The following CACNA1G variants were observed in gnomAD, a reference collection of about 807,000 sequenced individuals.
The protein encoded by CACNA1G is voltage-dependent T-type calcium channel subunit alpha-1G.
In CACNA1G, 67 loss-of-function variants were observed where a neutral mutation model predicts 219.4. That is an observed-to-expected ratio of 0.31 (90% CI 0.25 to 0.37). CACNA1G has a LOEUF of 0.37. Ranked by LOEUF, CACNA1G falls within the 10% of genes least tolerant of loss-of-function variation. The pLI, the probability that CACNA1G is intolerant of heterozygous loss-of-function variation, is 1.00. For synonymous variants in CACNA1G, 1,296 were observed against 1,345.3 expected (o/e 0.96, Z 0.80); for missense variants, 2,380 against 3,231.4 (o/e 0.74, Z 6.39).
chr17:50,565,852 T>C (rs948914523), intron 1 of CACNA1G, among the ~76,000 whole-genome samples: 3 of 152,140 alleles, frequency 2.0e-5, no homozygotes, highest in Non-Finnish European at 4.4e-5. Context: ...GGGATGGAAG[T>C]GGGGTTCCTC....
chr17:50,596,557 C>A lies in CACNA1G; in HGVS notation c.2980-5C>A, dbSNP rs950977500. ...CCCTAATGGTCCGCTGCTCCCCTGC[C>A]CTAGGGAGATGCCAACAAGTCCGAA... On this transcript the variant is annotated splice_region_variant and splice_polypyrimidine_tract_variant and intron_variant, in intron 14 of 37. Coordinates refer to ENST00000359106, the MANE Select transcript of CACNA1G (RefSeq NM_018896.5). The surrounding 1 kb of genome is among the most constrained non-coding windows in gnomAD (Gnocchi z 4.8). 25 of 1,613,368 alleles carry A rather than the reference C, an allele frequency of 1.5e-5. No individual in the cohort carries two copies. Among genetic ancestry groups the A allele is most frequent in the Non-Finnish European group, 2.0e-5 (23 of 1,179,454 alleles).
chr17:50,602,702 T>TG lies in CACNA1G; in HGVS notation c.3916-113dup. The TG allele has an allele frequency of 3.8e-6, 3 of 788,230 alleles. No homozygotes were observed. In the Admixed American group the frequency reaches 6.1e-5, roughly 16 times the overall value. 48.8% of individuals were successfully genotyped at this position (788,230 alleles called of 1,614,324 possible). ...GCGTGATCTACATTGTTGTGGAGGG[T>TG]GGGGGTCGTTTTCTGAGTCAAATGT... On this transcript the variant is annotated intron_variant, in intron 19 of 37. Transcript: ENST00000359106.
Position 50,596,894 on chromosome 17 carries a change from C to T in CACNA1G, c.3229C>T (p.Pro1077Ser), listed in dbSNP as rs1458889280. Residue 1077 changes from proline to serine, a missense_variant, in exon 16 of 38, where the codon CCT becomes TCT. Physicochemically the swap from Pro to Ser is moderately conservative, Grantham distance 74. Around this residue, in one of 17 missense-constraint regions of CACNA1G, gnomAD observed 418 missense variants for 434.3 expected, o/e 0.96. Coordinates refer to ENST00000359106, the MANE Select transcript of CACNA1G (RefSeq NM_018896.5). This position sits in a 1 kb window ranked among gnomAD's most constrained non-coding sequence, Gnocchi z 4.8. The stretch of plus-strand genomic sequence containing the variant: ...CACCAGCAGCAGCGGGTCGGCAGAG[C>T]CTGGGGCGGCCCACGAGATGAAGTC... ...RRTSSSGSAE[P>S]GAAHEMKSPP... 7.6e-6 allele frequency: 12 copies of T among 1,573,578 alleles called. No individual in the cohort carries two copies. The highest frequency in any genetic ancestry group is 9.5e-6 in the Non-Finnish European group (11 of 1,159,818).
chr17:50,563,127 C>G (rs2036460804), intron 1 of CACNA1G: 1 of 152,462 alleles, frequency 6.6e-6, no homozygotes, highest in African/African-American at 2.4e-5. Flanking sequence ...CCCTCACTCT[C>G]TGCAGCTCTG....
chr17:50,570,214 C>T (rs1461477296), intron 4 of CACNA1G, among the ~76,000 whole-genome samples: 2 of 152,204 alleles, frequency 1.3e-5, no homozygotes, highest in African/African-American at 2.4e-5. Context: ...ACGCTGGCCA[C>T]GCTGAACGTG....
intron 9 of CACNA1G, among the ~76,000 whole-genome samples, chr17:50,579,731 G>A (rs997505227): frequency 1.3e-5 from 2 of 152,066 alleles, no homozygotes; most frequent in African/African-American, 4.8e-5. Flanking sequence ...CCCCACCTCC[G>A]CACCCTCCCA....
In CACNA1G at chr17:50,617,841, C is replaced by T. The variant is rs751586962; in HGVS notation, c.5156-18C>T. The T allele has an allele frequency of 1.5e-5, 24 of 1,612,562 alleles. No individual in the cohort carries two copies. Among genetic ancestry groups the T allele is most frequent in the Middle Eastern group, 1.8e-4 (1 of 5,594 alleles). On this transcript the variant is annotated intron_variant, in intron 29 of 37. Coordinates refer to ENST00000359106, the MANE Select transcript of CACNA1G (RefSeq NM_018896.5). The surrounding 1 kb of genome is among the most constrained non-coding windows in gnomAD (Gnocchi z 5.8). ...GGGACCCAAAGAGGCCAGCTCATGA[C>T]GTTGTCCTGTTCTGCAGTGCTGAAG... is the stretch of plus-strand genomic sequence containing the variant.
In CACNA1G at chr17:50,596,866, CCG is replaced by C; in HGVS notation, c.3203_3204del (p.Arg1068HisfsTer74). ...LGEALGPASR[R>X]TSSSGSAEPG... The stretch of plus-strand genomic sequence containing the variant: ...GCGAGGCGCTGGGCCCTGCGTCGCG[CCG>C]CACCAGCAGCAGCGGGTCGGCAGAG... On this transcript the variant is annotated frameshift_variant, in exon 16 of 38. Transcript: ENST00000359106. LOFTEE classifies it high-confidence loss of function. The surrounding 1 kb of genome is among the most constrained non-coding windows in gnomAD (Gnocchi z 4.8). 1 of 1,594,752 alleles carries C rather than the reference CCG, an allele frequency of 6.3e-7. No homozygotes were observed. The highest frequency in any genetic ancestry group is 8.5e-7 in the Non-Finnish European group (1 of 1,170,988).
Position 50,609,931 on chromosome 17 carries a change from G to A in CACNA1G, c.4755G>A (p.Ala1585=), listed in dbSNP as rs780560019. The change falls in exon 26 of 38, where the codon GCG becomes GCA. Residue 1585 remains alanine, a synonymous_variant. Coordinates refer to ENST00000359106, the MANE Select transcript of CACNA1G (RefSeq NM_018896.5). ...CTTCCGGCAGCTCAGCCAGCGCTGC[G>A]TCAGGTACTGCGTCTGGGGTGTGGG... The part of the protein sequence containing the change: ...VIASGSSASA[A]SEAQCKPYYS... The A allele has an allele frequency of 2.2e-5, 36 of 1,609,954 alleles. No homozygotes were observed. Among genetic ancestry groups the A allele is most frequent in the African/African-American group, 4.0e-5 (3 of 74,942 alleles).
intron 3 of CACNA1G, 74 bp downstream of exon 3, chr17:50,569,372 G>C: frequency 6.6e-7 from 1 of 1,516,188 alleles, no homozygotes; most frequent in Non-Finnish European, 9.1e-7. Context: ...TTCTGGGCCT[G>C]TGACCTCTCA....
chr17:50,604,105 AG>A, intron 21 of CACNA1G, 49 bp from the exon 22 acceptor site: 1 of 1,578,234 alleles, frequency 6.3e-7, no homozygotes, highest in Non-Finnish European at 8.6e-7. Context: ...GGGACAAGGG[AG>A]GGTCTGGGCT....
At chr17:50,623,323 G>C (rs1178130584) in intron 35 of CACNA1G, among the ~76,000 whole-genome samples, 3 of 138,216 alleles carry the variant, frequency 2.2e-5, no homozygotes, top group Non-Finnish European at 3.0e-5. Flanking sequence ...TGTTGCCCAG[G>C]CTGGTCTCAA....
chr17:50,589,672 G>T (rs909788068), intron 9 of CACNA1G, among the ~76,000 whole-genome samples: 4 of 152,144 alleles, frequency 2.6e-5, no homozygotes, highest in Non-Finnish European at 5.9e-5. Context: ...CGGGTAGGGA[G>T]CATGAAAGGA....
In CACNA1G at chr17:50,618,465, C is replaced by T; in HGVS notation, c.5427+122C>T. 1.5e-6 allele frequency: 2 copies of T among 1,338,934 alleles called. No homozygotes were observed. Among genetic ancestry groups the T allele is most frequent in the Non-Finnish European group, 2.1e-6 (2 of 957,574 alleles). 82.9% of individuals were successfully genotyped at this position (1,338,934 alleles called of 1,614,324 possible). ...TGACCTTCTCTCCCCCGTGCTAGAA[C>T]ACTCTGGAACTCCCTCTCCCAGGAA... is the stretch of plus-strand genomic sequence containing the variant. On this transcript the variant is annotated intron_variant, in intron 32 of 37. Coordinates refer to ENST00000359106, the MANE Select transcript of CACNA1G (RefSeq NM_018896.5). This position sits in a 1 kb window ranked among gnomAD's most constrained non-coding sequence, Gnocchi z 5.3.
Position 50,582,655 on chromosome 17 carries a change from G to A in CACNA1G, c.2301+4091G>A, listed in dbSNP as rs541113548. ...TCTCCAGGAAGAGGGGAGTGCAGGAGTGGGGCCTTGGAGACACAGGAGCTT... is the reference window on the plus strand; with the variant it reads ...TCTCCAGGAAGAGGGGAGTGCAGGAATGGGGCCTTGGAGACACAGGAGCTT... On this transcript the variant is annotated intron_variant, in intron 9 of 37. Transcript: ENST00000359106. Among the ~76,000 whole-genome samples, 6 of 152,290 alleles carry A rather than the reference G, an allele frequency of 3.9e-5. No homozygotes were observed. In the South Asian group the frequency reaches 8.3e-4, roughly 21 times the overall value.
At chr17:50,575,089 C>G (rs1170152939) in intron 7 of CACNA1G, among the ~76,000 whole-genome samples, 1 of 152,140 alleles carries the variant, frequency 6.6e-6, no homozygotes, top group Admixed American at 6.5e-5. Flanking sequence ...GTCAAGATCT[C>G]AAGGCTCAAT....
intron 34 of CACNA1G, among the ~76,000 whole-genome samples, chr17:50,620,938 C>A (rs2051733850): frequency 6.6e-6 from 1 of 152,224 alleles, no homozygotes; most frequent in African/African-American, 2.4e-5. Flanking sequence ...TGTCCCCTAG[C>A]ATCCTGTGGG....
At chr17:50,590,355 C>G (rs1331088731) in intron 9 of CACNA1G, 116 bp from the exon 10 acceptor site, 3 of 1,165,482 alleles carry the variant, frequency 2.6e-6, no homozygotes, top group East Asian at 2.4e-5. Context: ...TCCAGCAACC[C>G]CTCCGCACAA....
At chr17:50,623,485 C>T (rs1224350517) in intron 35 of CACNA1G, among the ~76,000 whole-genome samples, 2 of 151,926 alleles carry the variant, frequency 1.3e-5, no homozygotes, top group Non-Finnish European at 2.9e-5. Context: ...CCTGTGGACA[C>T]CGGGACTCCC....
Sources: gnomAD v4.1 joint callset for allele counts (sites outside exome capture counted in the v4.1 genomes callset) on GRCh38, gnomAD v4.1.1 for gene constraint, gnomAD v4.1.1 regional missense constraint, Gnocchi (gnomAD v3.1) non-coding constraint, MANE v1.5 for transcripts, NCBI Gene and HGNC (gene_info 2026-07-23, HGNC 2026-07-21) for gene names.